Variants in DIS3L2 observed in about 807,000 individuals in gnomAD.
The protein encoded by DIS3L2 is DIS3 like 3'-5' exoribonuclease 2, also known as DIS3-like exonuclease 2.
DIS3L2 carries 34 observed loss-of-function variants against 97.5 expected under a neutral mutation model. The observed-to-expected ratio is 0.35, with a 90% confidence interval of 0.27 to 0.46. The LOEUF (loss-of-function observed/expected upper bound fraction) is 0.46, where lower values mean the gene tolerates loss of function less well. Among genes scored for constraint, DIS3L2 ranks in the 20% least tolerant of loss-of-function variants. The pLI is 1.00. For missense variants in DIS3L2, 1,038 were observed against 1,146.0 expected, an observed-to-expected ratio of 0.91 and a Z score of 1.36; for synonymous variants, 435 against 445.2, an observed-to-expected ratio of 0.98 and a Z score of 0.29.
intron 5 of DIS3L2, among the ~76,000 whole-genome samples, chr2:232,051,927 C>T (rs1695419759): frequency 6.6e-6 from 1 of 151,896 alleles, no homozygotes. Flanking sequence ...ATAATTCTCC[C>T]CCCAAATATA....
intron 9 of DIS3L2, among the ~76,000 whole-genome samples, chr2:232,206,801 C>T (rs1369195573): frequency 2.0e-5 from 3 of 152,136 alleles, no homozygotes; most frequent in Non-Finnish European, 4.4e-5. Flanking sequence ...TGGTTTGAGT[C>T]CTTACAGGCT....
chr2:232,323,186 C>T (rs1695482744), intron 14 of DIS3L2, among the ~76,000 whole-genome samples: 1 of 152,376 alleles, frequency 6.6e-6, no homozygotes, highest in Middle Eastern at 3.4e-3. Context: ...CAAGACCACA[C>T]AGCACAGACT....
At chr2:232,011,941 A>G (rs901913269) in intron 1 of DIS3L2, among the ~76,000 whole-genome samples, 1 of 152,202 alleles carries the variant, frequency 6.6e-6, no homozygotes, top group Non-Finnish European at 1.5e-5. Context: ...GTGAGCCACG[A>G]TGCCCAGCCA....
intron 9 of DIS3L2, among the ~76,000 whole-genome samples, chr2:232,197,787 T>C (rs1338469170): frequency 2.0e-5 from 3 of 151,834 alleles, no homozygotes; most frequent in African/African-American, 7.3e-5. Context: ...GCCAACATGG[T>C]GAAACCCCGT....
At chr2:232,236,058 A>AC (rs1338034189) in intron 10 of DIS3L2, among the ~76,000 whole-genome samples, 1 of 152,182 alleles carries the variant, frequency 6.6e-6, no homozygotes, top group African/African-American at 2.4e-5. Context: ...TTTATGTATT[A>AC]CAGCTACAGG....
chr2:232,074,738 C>A (rs1696134234), intron 5 of DIS3L2, among the ~76,000 whole-genome samples: 1 of 152,022 alleles, frequency 6.6e-6, no homozygotes, highest in Non-Finnish European at 1.5e-5. Context: ...GCGCATGTCA[C>A]CATGCCTGGC....
At chr2:232,166,756 C>T (rs1051640662) in intron 9 of DIS3L2, among the ~76,000 whole-genome samples, 5 of 151,832 alleles carry the variant, frequency 3.3e-5, no homozygotes, top group Admixed American at 2.6e-4. Flanking sequence ...CACGGTGGCT[C>T]ACACCTATAA....
At chr2:231,996,978 T>C (rs1693749090) in intron 1 of DIS3L2, among the ~76,000 whole-genome samples, 1 of 152,160 alleles carries the variant, frequency 6.6e-6, no homozygotes, top group Non-Finnish European at 1.5e-5. Context: ...TCCCCCACCC[T>C]GTTGGCCACT....
At chr2:231,974,885 A>C (rs1693037021) in intron 1 of DIS3L2, among the ~76,000 whole-genome samples, 1 of 152,150 alleles carries the variant, frequency 6.6e-6, no homozygotes, top group Admixed American at 6.5e-5. Flanking sequence ...GTAATTACTA[A>C]TGTTATTTAT....
chr2:232,039,885 C>G (rs1000059750), intron 5 of DIS3L2, among the ~76,000 whole-genome samples: 1 of 152,162 alleles, frequency 6.6e-6, no homozygotes, highest in African/African-American at 2.4e-5. Flanking sequence ...AAGCATTGAT[C>G]CTGACAGTTC....
At position 232,055,096 on chromosome 2, in the gene DIS3L2, T is replaced by A. The variant is rs530166592; in HGVS notation, c.366+25016T>A. Among the ~76,000 whole-genome samples, 101 of 152,352 alleles carry A rather than the reference T, an allele frequency of 6.6e-4. 1 individual carries two copies. The highest frequency in any genetic ancestry group is 2.2e-3 in the African/African-American group (92 of 41,588). ...CTAGTAATAGAAGAAGACTTTCATC[T>A]GATAAAGGCTCCTTACAAAAGCCGA... On this transcript the variant is annotated intron_variant, in intron 5 of 20. Coordinates refer to ENST00000325385, the MANE Select transcript of DIS3L2 (RefSeq NM_152383.5).
intron 13 of DIS3L2, among the ~76,000 whole-genome samples, chr2:232,290,455 C>T (rs1276572720): frequency 6.6e-6 from 1 of 152,126 alleles, no homozygotes; most frequent in Non-Finnish European, 1.5e-5. Flanking sequence ...GCCGAACTCT[C>T]CTGCCATAGA....
chr2:232,338,925 TGTC>T (rs1170108127), downstream of DIS3L2, among the ~76,000 whole-genome samples: 1 of 152,278 alleles, frequency 6.6e-6, no homozygotes, highest in African/African-American at 2.4e-5. Flanking sequence ...AGAGCGAGAC[TGTC>T]TTTTCCTCAA....
At chr2:232,087,325 G>C (rs1696690887) in intron 5 of DIS3L2, among the ~76,000 whole-genome samples, 162 bp from the exon 6 acceptor site, 1 of 152,098 alleles carries the variant, frequency 6.6e-6, no homozygotes. Flanking sequence ...TGCATTAGGT[G>C]GTCTGTGCTT....
chr2:232,279,790 A>C (rs1456292723), intron 13 of DIS3L2, among the ~76,000 whole-genome samples: 1 of 152,146 alleles, frequency 6.6e-6, no homozygotes, highest in East Asian at 1.9e-4. Flanking sequence ...CGGCCTCCCA[A>C]AGTGCTGGGA....
chr2:232,065,366 T>C (rs886744614), intron 5 of DIS3L2, among the ~76,000 whole-genome samples: 72 of 152,216 alleles, frequency 4.7e-4, no homozygotes, highest in African/African-American at 1.7e-3. Context: ...TTTTGGTCTA[T>C]TGTCCATTTC....
chr2:232,241,453 G>T (rs1693078764), intron 11 of DIS3L2, among the ~76,000 whole-genome samples: 1 of 152,124 alleles, frequency 6.6e-6, no homozygotes, highest in South Asian at 2.1e-4. Flanking sequence ...TCTAATTGGG[G>T]GATTAACCCA....
intron 6 of DIS3L2, among the ~76,000 whole-genome samples, chr2:232,092,986 C>T (rs1181681369): frequency 6.6e-6 from 1 of 152,080 alleles, no homozygotes; most frequent in Non-Finnish European, 1.5e-5. Context: ...AGAAGAAAGT[C>T]TTAGTTTTTC....
At chr2:231,962,018 A>G (rs761042583) in intron 1 of DIS3L2, among the ~76,000 whole-genome samples, 2 of 152,174 alleles carry the variant, frequency 1.3e-5, no homozygotes, top group Admixed American at 1.3e-4. Context: ...CCGCGCTTAT[A>G]GCGCCGGGGC....
Sources: allele counts gnomAD v4.1 joint callset (sites outside exome capture counted in the v4.1 genomes callset), GRCh38; gene constraint gnomAD v4.1.1; transcripts MANE v1.5; gene names NCBI Gene and HGNC (gene_info 2026-07-23, HGNC 2026-07-21).